The following IGF2BP2 variants were observed in gnomAD, a reference collection of about 807,000 sequenced individuals.
IGF2BP2 encodes the protein insulin like growth factor 2 mRNA binding protein 2, also known as insulin-like growth factor 2 mRNA-binding protein 2.
IGF2BP2 carries 17 observed loss-of-function variants against 75.8 expected under a neutral mutation model. The ratio of observed to expected loss-of-function variants is 0.22; its 90% CI spans 0.15 to 0.34. The LOEUF is 0.34. Among genes scored for constraint, IGF2BP2 ranks in the 10% least tolerant of loss-of-function variants. The probability of loss-of-function intolerance (pLI) is 1.00; values close to 1 mark genes in which losing one functional copy is unlikely to be tolerated. For missense variants in IGF2BP2, 516 were observed against 772.4 expected (o/e 0.67, Z 3.93); for synonymous variants, 288 against 295.6 (o/e 0.97, Z 0.26).
intron 2 of IGF2BP2, among the ~76,000 whole-genome samples, chr3:185,820,293 TCAA>T (rs1423344623): frequency 1.0e-4 from 15 of 148,828 alleles, no homozygotes; most frequent in Non-Finnish European, 1.5e-5. Flanking sequence ...AAGTTAACCT[TCAA>T]CAACACCAAA....
chr3:185,648,438 G>A (rs963731624), intron 14 of IGF2BP2, among the ~76,000 whole-genome samples: 8 of 150,910 alleles, frequency 5.3e-5, no homozygotes, highest in Non-Finnish European at 7.4e-5. Context: ...ACTCCAGCCT[G>A]GGTGACAAGA....
At chr3:185,797,773 T>TG (rs766254362) in intron 2 of IGF2BP2, among the ~76,000 whole-genome samples, 3 of 148,050 alleles carry the variant, frequency 2.0e-5, no homozygotes, top group Non-Finnish European at 4.5e-5. Flanking sequence ...AGCGTGGAGG[T>TG]GCATGCCTGT....
chr3:185,823,711 C>A (rs1578427392), intron 1 of IGF2BP2, among the ~76,000 whole-genome samples: 1 of 151,930 alleles, frequency 6.6e-6, no homozygotes, highest in Admixed American at 6.6e-5. Context: ...CTGGGTGTCA[C>A]CTTGGCCTCG....
chr3:185,747,317 T>G (rs889775833), intron 2 of IGF2BP2, among the ~76,000 whole-genome samples: 2 of 152,234 alleles, frequency 1.3e-5, no homozygotes, highest in African/African-American at 4.8e-5. Flanking sequence ...TATGTTATGG[T>G]ACTGTCACCA....
intron 2 of IGF2BP2, chr3:185,820,947 C>T: frequency 6.8e-7 from 1 of 1,476,916 alleles, no homozygotes; most frequent in Non-Finnish European, 9.1e-7. Context: ...CACAGAAATG[C>T]AACACAAGAA....
At chr3:185,811,830 G>GTCTCTCTGTCTCTC (rs1739883321) in intron 2 of IGF2BP2, among the ~76,000 whole-genome samples, 1 of 120,694 alleles carries the variant, frequency 8.3e-6, no homozygotes, top group Non-Finnish European at 1.8e-5. Flanking sequence ...AGAGTAGGGT[G>GTCTCTCTGTCTCTC]TCTCTCTCTC....
intron 2 of IGF2BP2, among the ~76,000 whole-genome samples, chr3:185,736,541 G>A (rs772184820): frequency 1.8e-3 from 277 of 152,286 alleles, no homozygotes; most frequent in Admixed American, 3.6e-3. Context: ...CTACCCATGC[G>A]ATGGCAACAT....
intron 12 of IGF2BP2, among the ~76,000 whole-genome samples, chr3:185,653,435 A>G (rs1714927622): frequency 6.6e-6 from 1 of 152,066 alleles, no homozygotes; most frequent in Non-Finnish European, 1.5e-5. Flanking sequence ...AGCCTGGCCA[A>G]CATGGTGAAA....
chr3:185,651,351 T>C (rs1390532668), intron 13 of IGF2BP2, among the ~76,000 whole-genome samples: 1 of 152,096 alleles, frequency 6.6e-6, no homozygotes, highest in Non-Finnish European at 1.5e-5. Context: ...CAATACTGAG[T>C]TGAAGGGTTA....
At position 185,682,528 on chromosome 3, in the gene IGF2BP2, T is replaced by A. The variant is rs77545936; in HGVS notation, c.812+4529A>T. On this transcript the variant is annotated intron_variant, in intron 7 of 15. Coordinates refer to ENST00000382199, the MANE Select transcript of IGF2BP2 (RefSeq NM_006548.6). The stretch of plus-strand genomic sequence containing the variant: ...AGTATTCTGTTACAGTAGCACCAAC[T>A]GGACTAATATATAGTTAATGATCAA... Among the ~76,000 whole-genome samples, 110 of 152,292 alleles carry A rather than the reference T, an allele frequency of 7.2e-4. No individual in the cohort carries two copies. The East Asian group carries it at 0.02, about 28-fold the overall frequency.
At position 185,668,512 on chromosome 3, in the gene IGF2BP2, T is replaced by G. The variant is rs868223725; in HGVS notation, c.1200+4029A>C. Among the ~76,000 whole-genome samples the G allele has an allele frequency of 4.4e-3, 641 of 144,408 alleles. 5 individuals carry two copies. The highest frequency in any genetic ancestry group is 0.025 in the East Asian group (128 of 5,044). The allele number at this position is 144,408 out of a possible 152,430, so 94.7% of individuals were successfully genotyped here. A position where few individuals can be genotyped will look rare whatever the true frequency, so the allele number is the denominator to read the frequency against. Reference sequence around the variant, plus strand: ...CGAGAGAGAGAGAGAGAGAGAGATATATATATATATATATATATATAGTGT... The same window carrying G: ...CGAGAGAGAGAGAGAGAGAGAGATAGATATATATATATATATATATAGTGT... On this transcript the variant is annotated intron_variant, in intron 10 of 15. Transcript: ENST00000382199.
chr3:185,800,316 C>T (rs1738038625), intron 2 of IGF2BP2, among the ~76,000 whole-genome samples: 1 of 152,050 alleles, frequency 6.6e-6, no homozygotes, highest in South Asian at 2.1e-4. Flanking sequence ...TTAGGAGAAA[C>T]ACCTAATGTA....
chr3:185,678,039 T>C (rs1308696247), intron 7 of IGF2BP2, among the ~76,000 whole-genome samples: 1 of 152,206 alleles, frequency 6.6e-6, no homozygotes, highest in East Asian at 1.9e-4. Context: ...AGAGCTTTAT[T>C]TGAAGAAGTA....
At chr3:185,653,204 TAG>T (rs1351140869) in intron 12 of IGF2BP2, among the ~76,000 whole-genome samples, 1 of 152,174 alleles carries the variant, frequency 6.6e-6, no homozygotes, top group Non-Finnish European at 1.5e-5. Flanking sequence ...GCATTTTTGT[TAG>T]AGAGATCTTT....
At chr3:185,807,968 T>G (rs1357719929) in intron 2 of IGF2BP2, among the ~76,000 whole-genome samples, 2 of 152,040 alleles carry the variant, frequency 1.3e-5, no homozygotes. Context: ...TCAGGAAACA[T>G]GTGAGATAAT....
chr3:185,777,914 C>T (rs1318659313), intron 2 of IGF2BP2, among the ~76,000 whole-genome samples: 1 of 151,854 alleles, frequency 6.6e-6, no homozygotes, highest in Non-Finnish European at 1.5e-5. Context: ...CACAGTGATG[C>T]ACATCTGTAA....
intron 2 of IGF2BP2, among the ~76,000 whole-genome samples, chr3:185,775,772 G>A (rs1734462076): frequency 6.6e-6 from 1 of 152,164 alleles, no homozygotes; most frequent in South Asian, 2.1e-4. Context: ...AGATGGCTGA[G>A]TGAAGATTAC....
At chr3:185,743,851 G>C (rs748853330) in intron 2 of IGF2BP2, among the ~76,000 whole-genome samples, 5 of 152,084 alleles carry the variant, frequency 3.3e-5, no homozygotes, top group African/African-American at 4.8e-5. Context: ...TCCACCACAC[G>C]CAACAATCCA....
intron 2 of IGF2BP2, among the ~76,000 whole-genome samples, chr3:185,706,416 A>G (rs1291790364): frequency 6.6e-6 from 1 of 152,188 alleles, no homozygotes; most frequent in Non-Finnish European, 1.5e-5. Context: ...CTCTCTAGCA[A>G]AAATAAAAAA....
Sources: gnomAD v4.1 joint callset for allele counts (sites outside exome capture counted in the v4.1 genomes callset) on GRCh38, gnomAD v4.1.1 for gene constraint, MANE v1.5 for transcripts, NCBI Gene and HGNC (gene_info 2026-07-23, HGNC 2026-07-21) for gene names.